Variants in JAK1 observed in about 807,000 individuals in gnomAD.
JAK1 encodes the protein Janus kinase 1.
JAK1 carries 16 observed loss-of-function variants against 136.6 expected under a neutral mutation model. The observed-to-expected ratio is 0.12, with a 90% CI of 0.08 to 0.18. The LOEUF is 0.18. Among genes scored for constraint, JAK1 ranks in the 10% least tolerant of loss-of-function variants. The pLI is 1.00. For synonymous variants in JAK1, 492 were observed against 519.5 expected (o/e 0.95, Z 0.72); for missense variants, 859 against 1,450.1 (o/e 0.59, Z 6.62).
intron 4 of JAK1, among the ~76,000 whole-genome samples, chr1:64,877,827 T>C (rs1490431781): frequency 6.6e-6 from 1 of 152,106 alleles, no homozygotes; most frequent in Non-Finnish European, 1.5e-5. Flanking sequence ...AGATTACATG[T>C]GGAAAAACAA....
chr1:64,962,461 A>G (rs971608104), intron 1 of JAK1, among the ~76,000 whole-genome samples: 1 of 152,210 alleles, frequency 6.6e-6, no homozygotes, highest in African/African-American at 2.4e-5. Context: ...CCAACTACAA[A>G]GAATCATGGA....
At chr1:65,048,008 C>T (rs1199936834) in intron 1 of JAK1, among the ~76,000 whole-genome samples, 2 of 152,094 alleles carry the variant, frequency 1.3e-5, no homozygotes, top group East Asian at 3.9e-4. Flanking sequence ...CACGGACCTA[C>T]AGTTAAGTGC....
chr1:65,057,972 C>G (rs1278148968), intron 1 of JAK1: 2 of 153,896 alleles, frequency 1.3e-5, no homozygotes, highest in African/African-American at 2.4e-5. Flanking sequence ...GTAAGCTGGT[C>G]TACAATGATG....
At position 64,834,050 on chromosome 1, in the gene JAK1, G is replaced by A. The variant is rs1485554625; in HGVS notation, c.*512C>T. 1 of 232,754 alleles carries A rather than the reference G, an allele frequency of 4.3e-6. No homozygotes were observed. 14.4% of individuals were successfully genotyped at this position (232,754 alleles called of 1,614,324 possible). ...GTACAGAAACAATATATACTACCTG[G>A]TATCTAATATTTTAAGAATGCATGG... is the stretch of plus-strand genomic sequence containing the variant. On this transcript the variant is annotated 3_prime_UTR_variant, in exon 25 of 25. Coordinates refer to ENST00000342505, the MANE Select transcript of JAK1 (RefSeq NM_002227.4).
At chr1:64,973,133 A>G (rs1557737210) in intron 2 of JAK1, 1 of 151,812 alleles carries the variant, frequency 6.6e-6, no homozygotes, top group Non-Finnish European at 1.5e-5. Context: ...GAAAGAAAGA[A>G]AAAGAGAAAG....
intron 1 of JAK1, among the ~76,000 whole-genome samples, chr1:64,909,657 C>CA (rs34061898): frequency 0.81 from 112,433 of 138,978 alleles, 45,602 homozygotes; most frequent in Non-Finnish European, 0.88. Flanking sequence ...CCCCTCTCTC[C>CA]AAAAAAAAAA....
chr1:64,908,196 T>C (rs2100251014), intron 1 of JAK1, among the ~76,000 whole-genome samples: 1 of 152,352 alleles, frequency 6.6e-6, no homozygotes, highest in East Asian at 1.9e-4. Flanking sequence ...AATGCACTAA[T>C]CACAAGTAAT....
In JAK1 at chr1:64,860,927, TCC is replaced by T. The variant is rs1656282459; in HGVS notation, c.1177-667_1177-666del. On this transcript the variant is annotated intron_variant, in intron 8 of 24. Coordinates refer to ENST00000342505, the MANE Select transcript of JAK1 (RefSeq NM_002227.4). ...ACATGCAGAGAAGCTGTCCCCTGGG[TCC>T]GTGTGTGTGTGTGTGTGTGTGTGTG... is the stretch of plus-strand genomic sequence containing the variant. 1.8e-5 allele frequency among the ~76,000 whole-genome samples: 2 copies of T among 111,794 alleles called. 1 individual carries two copies. The highest frequency in any genetic ancestry group is 3.7e-5 in the Non-Finnish European group (2 of 54,078). The allele number at this position is 111,794 out of a possible 152,430, so 73.3% of individuals were successfully genotyped here. A position where few individuals can be genotyped will look rare whatever the true frequency, so the allele number is the denominator to read the frequency against.
At chr1:64,891,297 G>A (rs570978178) in intron 1 of JAK1, among the ~76,000 whole-genome samples, 4 of 152,280 alleles carry the variant, frequency 2.6e-5, no homozygotes, top group South Asian at 2.1e-4. Flanking sequence ...GACCCTGCTC[G>A]TTCCACAGTG....
chr1:64,888,651 C>G (rs1644888593), intron 1 of JAK1, among the ~76,000 whole-genome samples: 1 of 152,180 alleles, frequency 6.6e-6, no homozygotes, highest in Admixed American at 6.5e-5. Flanking sequence ...GTTTGGTTTT[C>G]CAATCATTCT....
chr1:64,988,101 A>G (rs1324587469), intron 2 of JAK1, among the ~76,000 whole-genome samples: 1 of 152,186 alleles, frequency 6.6e-6, no homozygotes, highest in Non-Finnish European at 1.5e-5. Flanking sequence ...CTCAAGCCGC[A>G]TTAGAAGATT....
intron 2 of JAK1, among the ~76,000 whole-genome samples, chr1:64,994,650 G>T (rs145664794): frequency 2.0e-5 from 3 of 152,100 alleles, no homozygotes; most frequent in Non-Finnish European, 2.9e-5. Context: ...CAACACTGCC[G>T]CATTCAGGAT....
At chr1:64,866,765 G>C (rs977960329) in intron 7 of JAK1, 101 bp downstream of exon 7, 24 of 806,386 alleles carry the variant, frequency 3.0e-5, no homozygotes, top group Non-Finnish European at 4.7e-5. Context: ...CTCAGCCTAT[G>C]GGAGTGATGG....
intron 2 of JAK1, among the ~76,000 whole-genome samples, chr1:65,028,547 A>G (rs572724082): frequency 6.6e-5 from 10 of 152,174 alleles, no homozygotes; most frequent in Non-Finnish European, 1.3e-4. Flanking sequence ...GTAAAAGTTG[A>G]TAGATACCAC....
At chr1:64,878,236 T>C (rs1285527910) in intron 4 of JAK1, among the ~76,000 whole-genome samples, 1 of 152,256 alleles carries the variant, frequency 6.6e-6, no homozygotes, top group East Asian at 1.9e-4. Context: ...TTAGCAAGTA[T>C]GTAACTAACA....
At chr1:64,942,607 G>C (rs374824093) in intron 1 of JAK1, among the ~76,000 whole-genome samples, 1 of 152,152 alleles carries the variant, frequency 6.6e-6, no homozygotes, top group African/African-American at 2.4e-5. Context: ...CCCTATGTTA[G>C]TTCAAGTATT....
intron 1 of JAK1, among the ~76,000 whole-genome samples, chr1:64,947,957 C>G (rs996869837): frequency 5.3e-5 from 8 of 152,054 alleles, no homozygotes; most frequent in Non-Finnish European, 1.2e-4. Flanking sequence ...TTTAGAAATA[C>G]AAATGTTTCC....
At chr1:64,987,183 A>G (rs1646608024) in intron 2 of JAK1, 1 of 152,194 alleles carries the variant, frequency 6.6e-6, no homozygotes, top group Admixed American at 6.5e-5. Context: ...AGTTTCCCAG[A>G]GTACTTTGCA....
intron 2 of JAK1, among the ~76,000 whole-genome samples, chr1:64,978,445 T>C (rs1160280401): frequency 2.6e-5 from 4 of 152,332 alleles, no homozygotes; most frequent in Admixed American, 6.5e-5. Context: ...GTGTTACTAA[T>C]CTTATTTATT....
Sources: allele counts gnomAD v4.1 joint callset (sites outside exome capture counted in the v4.1 genomes callset), GRCh38; gene constraint gnomAD v4.1.1; transcripts MANE v1.5; gene names NCBI Gene and HGNC (gene_info 2026-07-23, HGNC 2026-07-21).